The following MAD1L1 variants were observed in gnomAD, a reference collection of about 807,000 sequenced individuals.
MAD1L1 encodes the protein mitotic arrest deficient 1 like 1.
Under a neutral mutation model 96.9 loss-of-function variants are expected in MAD1L1, and 95 were observed. That is an observed-to-expected ratio of 0.98 (90% CI 0.83 to 1.16). The LOEUF is 1.16. Ranked by LOEUF, MAD1L1 falls within the 50% of genes most tolerant of loss-of-function variation. The pLI, the probability that MAD1L1 is intolerant of heterozygous loss-of-function variation, is 0.00. For synonymous variants in MAD1L1, 473 were observed against 396.6 expected (o/e 1.19, Z -2.29); for missense variants, 1,007 against 954.4 (o/e 1.06, Z -0.73).
At chr7:2,039,433 C>T (rs1376322578) in intron 12 of MAD1L1, among the ~76,000 whole-genome samples, 1 of 152,168 alleles carries the variant, frequency 6.6e-6, no homozygotes, top group African/African-American at 2.4e-5. Flanking sequence ...TTAAGAAACC[C>T]TCGAGCTGGT....
chr7:2,069,648 T>C (rs1260360380), intron 11 of MAD1L1, among the ~76,000 whole-genome samples: 2 of 152,220 alleles, frequency 1.3e-5, no homozygotes, highest in East Asian at 3.8e-4. Context: ...ATGAGCGAGA[T>C]TGCAGAGCCA....
chr7:2,101,118 T>G (rs1172940471), intron 11 of MAD1L1, among the ~76,000 whole-genome samples: 1 of 152,180 alleles, frequency 6.6e-6, no homozygotes, highest in Non-Finnish European at 1.5e-5. Context: ...CTTGCTCCCC[T>G]TCAATGGGAA....
intron 10 of MAD1L1, among the ~76,000 whole-genome samples, chr7:2,197,819 T>A (rs1173996207): frequency 1.3e-5 from 2 of 152,184 alleles, no homozygotes. Flanking sequence ...GCTACATCAC[T>A]GACACTTCAA....
intron 15 of MAD1L1, among the ~76,000 whole-genome samples, chr7:1,962,887 C>A (rs1487988884): frequency 6.6e-6 from 1 of 152,158 alleles, no homozygotes; most frequent in East Asian, 1.9e-4. Context: ...TCAGAGGCTG[C>A]AGGCAGCTAT....
intron 14 of MAD1L1, among the ~76,000 whole-genome samples, chr7:1,986,502 G>C (rs894096102): frequency 2.0e-5 from 3 of 148,140 alleles, no homozygotes; most frequent in East Asian, 1.9e-4. Context: ...CCTCGCGCCG[G>C]CAAGGGGGTT....
chr7:2,148,125 A>G (rs1364556029), intron 11 of MAD1L1, among the ~76,000 whole-genome samples: 2 of 152,260 alleles, frequency 1.3e-5, no homozygotes, highest in East Asian at 3.8e-4. Flanking sequence ...ATTATGTCCA[A>G]CACAACCAGA....
In MAD1L1 at chr7:2,142,470, G is replaced by A. The variant is rs1789085787; in HGVS notation, c.1073+6682C>T. Among the ~76,000 whole-genome samples the A allele has an allele frequency of 6.6e-6, 1 of 152,224 alleles. No individual in the cohort carries two copies. Among genetic ancestry groups the A allele is most frequent in the Admixed American group, 6.5e-5 (1 of 15,288 alleles). On this transcript the variant is annotated intron_variant, in intron 11 of 18. Coordinates refer to ENST00000265854, the MANE Select transcript of MAD1L1 (RefSeq NM_001013836.2). This position sits in a 1 kb window ranked among gnomAD's most constrained non-coding sequence, Gnocchi z 4.7. ...CATGGGACGCACAAGGGGCAGAGGG[G>A]GACAGGAGCAGGATACAGACAGATC...
intron 18 of MAD1L1, among the ~76,000 whole-genome samples, chr7:1,819,573 C>T (rs1246687546): frequency 6.6e-6 from 1 of 152,200 alleles, no homozygotes; most frequent in Admixed American, 6.5e-5. Context: ...TGCCCGGCCC[C>T]CATTCCAGCT....
intron 11 of MAD1L1, among the ~76,000 whole-genome samples, chr7:2,107,168 A>G (rs1373933230): frequency 6.6e-6 from 1 of 152,198 alleles, no homozygotes; most frequent in Non-Finnish European, 1.5e-5. Context: ...AACACAGAGG[A>G]GTCGCAAGCA....
At chr7:1,871,189 C>T (rs1043250853) in intron 18 of MAD1L1, among the ~76,000 whole-genome samples, 1 of 147,520 alleles carries the variant, frequency 6.8e-6, no homozygotes, top group Non-Finnish European at 1.5e-5. Flanking sequence ...CCAACATACG[C>T]CTGCCATGCT....
chr7:2,189,857 A>G (rs1446960055), intron 10 of MAD1L1, among the ~76,000 whole-genome samples: 1 of 152,214 alleles, frequency 6.6e-6, no homozygotes, highest in Non-Finnish European at 1.5e-5. Context: ...CCTCAACCTG[A>G]TGAACAGTAT....
intron 10 of MAD1L1, among the ~76,000 whole-genome samples, chr7:2,198,390 A>G (rs1031165970): frequency 1.3e-5 from 2 of 152,320 alleles, no homozygotes; most frequent in East Asian, 3.9e-4. Flanking sequence ...CACAGGCTGC[A>G]GCCAGGTACA....
At chr7:2,204,136 A>C (rs1792460482) in intron 10 of MAD1L1, among the ~76,000 whole-genome samples, 1 of 152,248 alleles carries the variant, frequency 6.6e-6, no homozygotes, top group Admixed American at 6.5e-5. Context: ...GTGACGTAAC[A>C]AAGACCCAGG....
intron 15 of MAD1L1, among the ~76,000 whole-genome samples, chr7:1,958,347 T>C (rs1172309111): frequency 6.6e-6 from 1 of 152,200 alleles, no homozygotes; most frequent in Admixed American, 6.5e-5. Context: ...AGCTGTCTAG[T>C]TTTGTCTTCA....
At chr7:2,134,222 C>T (rs901715709) in intron 11 of MAD1L1, among the ~76,000 whole-genome samples, 2 of 152,154 alleles carry the variant, frequency 1.3e-5, no homozygotes, top group African/African-American at 4.8e-5. Flanking sequence ...TAACCTGTAC[C>T]GGTCTCTGTG....
At chr7:2,032,752 G>C (rs911709058) in intron 12 of MAD1L1, among the ~76,000 whole-genome samples, 1 of 152,190 alleles carries the variant, frequency 6.6e-6, no homozygotes, top group Non-Finnish European at 1.5e-5. Context: ...GGTCAGGCCA[G>C]CTCCTAGCAA....
chr7:1,888,744 C>T (rs1786346216), intron 18 of MAD1L1, among the ~76,000 whole-genome samples: 1 of 148,240 alleles, frequency 6.7e-6, no homozygotes, highest in African/African-American at 2.5e-5. Flanking sequence ...CATGGGTGGG[C>T]ATGTGTGAGC....
At chr7:1,899,091 G>A (rs528229032) in intron 17 of MAD1L1, among the ~76,000 whole-genome samples, 42 of 152,300 alleles carry the variant, frequency 2.8e-4, no homozygotes, top group African/African-American at 1.0e-3. Flanking sequence ...CAGGCCCACT[G>A]CCCCTGACAT....
chr7:1,938,681 A>G (rs1015363770), intron 16 of MAD1L1, among the ~76,000 whole-genome samples: 7 of 152,184 alleles, frequency 4.6e-5, no homozygotes, highest in Non-Finnish European at 8.8e-5. Flanking sequence ...AAGACACCCA[A>G]AAAGCTGATA....
Sources: allele counts gnomAD v4.1 joint callset (sites outside exome capture counted in the v4.1 genomes callset), GRCh38; gene constraint gnomAD v4.1.1; non-coding constraint Gnocchi (gnomAD v3.1); transcripts MANE v1.5; gene names NCBI Gene and HGNC (gene_info 2026-07-23, HGNC 2026-07-21).